NPHP4: variants seen among roughly 807,000 people sequenced by gnomAD.
NPHP4 encodes nephrocystin 4, also known as nephrocystin-4.
Under a neutral mutation model 155.8 loss-of-function variants are expected in NPHP4, and 151 were observed. The observed-to-expected ratio is 0.97, with a 90% CI of 0.85 to 1.11. The LOEUF is 1.11. Among genes scored for constraint, NPHP4 ranks in the 50% least tolerant of loss-of-function variants. The probability of loss-of-function intolerance (pLI) is 0.00; values close to 1 mark genes in which losing one functional copy is unlikely to be tolerated. For missense variants in NPHP4, 1,956 were observed against 1,925.7 expected (o/e 1.02, Z -0.29); for synonymous variants, 845 against 816.8 (o/e 1.03, Z -0.59).
chr1:5,880,002 T>TGC lies in NPHP4; in HGVS notation c.2611+110_2611+111dup, dbSNP rs1230393279. ...GGGGCACTGACAGCACCACGAATGGTGCACACACACACACATGCACACACG... is the reference window on the plus strand; with the variant it reads ...GGGGCACTGACAGCACCACGAATGGTGCGCACACACACACACATGCACACACG... On this transcript the variant is annotated intron_variant, in intron 19 of 29. Coordinates refer to ENST00000378156, the MANE Select transcript of NPHP4 (RefSeq NM_015102.5). The TGC allele has an allele frequency of 2.9e-5, 37 of 1,267,590 alleles. 1 individual carries two copies. The African/African-American group carries it at 4.2e-4, about 14-fold the overall frequency. 78.5% of individuals were successfully genotyped at this position (1,267,590 alleles called of 1,614,324 possible). A position where few individuals can be genotyped will look rare whatever the true frequency, so the allele number is the denominator to read the frequency against.
In NPHP4 at chr1:5,874,662, G is replaced by A. The variant is rs2297790; in HGVS notation, c.3045-5C>T. 384 of 1,610,732 alleles carry A rather than the reference G, an allele frequency of 2.4e-4. 2 individuals carry two copies. The East Asian group carries it at 7.2e-3, about 30-fold the overall frequency. The stretch of plus-strand genomic sequence containing the variant: ...TCCTGACTGTCCACGATGACGCTGG[G>A]GGAGGCAGTGTCCAGGCGTCAGGGC... On this transcript the variant is annotated splice_region_variant and splice_polypyrimidine_tract_variant and intron_variant, in intron 21 of 29. Transcript: ENST00000378156.
At chr1:5,931,502 G>A (rs1328220487) in intron 10 of NPHP4, among the ~76,000 whole-genome samples, 3 of 151,734 alleles carry the variant, frequency 2.0e-5, no homozygotes, top group Non-Finnish European at 4.4e-5. Flanking sequence ...CACTTTGAGA[G>A]GCACACAGAT....
chr1:5,947,950 AAG>A, intron 8 of NPHP4, 118 bp downstream of exon 8: 2 of 763,616 alleles, frequency 2.6e-6, no homozygotes, highest in Non-Finnish European at 4.4e-6. Flanking sequence ...TCCAAGAGGA[AAG>A]AAACACAAGG....
At chr1:5,968,979 A>G (rs1383079803) in intron 4 of NPHP4, 108 bp downstream of exon 4, 6 of 703,712 alleles carry the variant, frequency 8.5e-6, no homozygotes, top group African/African-American at 3.6e-5. Context: ...GTGAGCCGAC[A>G]TTACACCACT....
chr1:5,969,875 C>A (rs532729526), intron 3 of NPHP4, among the ~76,000 whole-genome samples: 2 of 152,160 alleles, frequency 1.3e-5, no homozygotes, highest in African/African-American at 4.8e-5. Context: ...TAATTATCCC[C>A]GGTTCAGAGC....
intron 9 of NPHP4, among the ~76,000 whole-genome samples, chr1:5,945,983 A>G (rs1359020236): frequency 6.6e-6 from 1 of 151,978 alleles, no homozygotes; most frequent in Admixed American, 6.6e-5. Context: ...GTTGAGAGGT[A>G]GAGAGAGAGA....
intron 1 of NPHP4, among the ~76,000 whole-genome samples, chr1:5,989,205 C>T (rs1655898437): frequency 2.0e-5 from 3 of 152,304 alleles, no homozygotes; most frequent in South Asian, 4.1e-4. Flanking sequence ...CCCAGAGCCC[C>T]AGGAGCCACC....
Position 5,990,447 on chromosome 1 carries a change from G to GA in NPHP4, c.-39+1796dup, listed in dbSNP as rs796623519. 5.7e-3 allele frequency among the ~76,000 whole-genome samples: 831 copies of GA among 145,486 alleles called. 7 individuals carry two copies. Among genetic ancestry groups the GA allele is most frequent in the African/African-American group, 0.019 (761 of 39,780 alleles). ...AAAGGGTACAGTGGGCTCTCCAGGG[G>GA]AAAAAAAAAAAGAAGAAGAAGAAAA... On this transcript the variant is annotated intron_variant, in intron 1 of 29. Transcript: ENST00000378156.
chr1:5,933,944 A>G (rs2101754132), intron 9 of NPHP4, among the ~76,000 whole-genome samples: 1 of 152,312 alleles, frequency 6.6e-6, no homozygotes, highest in South Asian at 2.1e-4. Context: ...GGCTGGCCAA[A>G]TGGAAGGAAT....
intron 6 of NPHP4, among the ~76,000 whole-genome samples, chr1:5,960,224 C>A (rs1650046089): frequency 1.3e-5 from 2 of 152,294 alleles, no homozygotes; most frequent in South Asian, 4.2e-4. Flanking sequence ...GCAGGACAGA[C>A]CCAGACTGCG....
chr1:5,930,798 G>A (rs1212952047), intron 10 of NPHP4, among the ~76,000 whole-genome samples: 1 of 152,186 alleles, frequency 6.6e-6, no homozygotes, highest in Non-Finnish European at 1.5e-5. Flanking sequence ...GGTCGATGGC[G>A]ATGTTCAGTC....
chr1:5,863,930 T>C lies in NPHP4; in HGVS notation c.4100A>G (p.Asp1367Gly), dbSNP rs1640906567. The C allele has an allele frequency of 6.2e-7, 1 of 1,613,758 alleles. No homozygotes were observed. The highest frequency in any genetic ancestry group is 1.3e-5 in the African/African-American group (1 of 74,884). The change falls in exon 29 of 30, where the codon GAC becomes GGC. Residue 1367 changes from aspartate to glycine, a missense_variant. Asp to Gly is a moderately conservative substitution (Grantham distance 94). Coordinates refer to ENST00000378156, the MANE Select transcript of NPHP4 (RefSeq NM_015102.5). ...TCTGAACCGCAGCAGCTCCGGGTGGTCGCTGTGCAGGTGGAATGTCCTCCG... is the reference window on the plus strand; with the variant it reads ...TCTGAACCGCAGCAGCTCCGGGTGGCCGCTGTGCAGGTGGAATGTCCTCCG... ...PSRRTFHLHS[D>G]HPELLRFRED...
At chr1:5,914,852 C>T (rs1645381129) in intron 11 of NPHP4, among the ~76,000 whole-genome samples, 1 of 152,090 alleles carries the variant, frequency 6.6e-6, no homozygotes, top group Admixed American at 6.5e-5. Context: ...TGAACGGGGT[C>T]GTGAATGCGG....
intron 16 of NPHP4, among the ~76,000 whole-genome samples, chr1:5,895,061 T>C (rs1644324755): frequency 6.6e-6 from 1 of 152,104 alleles, no homozygotes; most frequent in Non-Finnish European, 1.5e-5. Context: ...GAAACCATCA[T>C]TCTCAGCAAA....
Position 5,882,352 on chromosome 1 carries a change from C to CGCGCTTACCCAGCCATCTCTCAGTGGT in NPHP4, c.2486-2140_2486-2114dup, listed in dbSNP as rs1557642914. 1 of 149,798 alleles carries CGCGCTTACCCAGCCATCTCTCAGTGGT rather than the reference C, an allele frequency of 6.7e-6. No homozygotes were observed. Among genetic ancestry groups the CGCGCTTACCCAGCCATCTCTCAGTGGT allele is most frequent in the Non-Finnish European group, 1.5e-5 (1 of 67,016 alleles). 9.3% of individuals were successfully genotyped at this position (149,798 alleles called of 1,614,324 possible). On this transcript the variant is annotated intron_variant, in intron 18 of 29. Transcript: ENST00000378156. This position sits in a 1 kb window ranked among gnomAD's most constrained non-coding sequence, Gnocchi z 5.1. ...CGCTTACCCAGCCATCTCTCAGTGA[C>CGCGCTTACCCAGCCATCTCTCAGTGGT]GCGCTTACCCAGCCATCTCTCAGTG...
intron 18 of NPHP4, among the ~76,000 whole-genome samples, chr1:5,885,169 G>A (rs903145244): frequency 1.7e-4 from 16 of 93,622 alleles, no homozygotes; most frequent in East Asian, 3.6e-4. Context: ...CATCCTACTC[G>A]ACAACCAAGA....
intron 9 of NPHP4, among the ~76,000 whole-genome samples, chr1:5,938,709 C>T (rs998297417): frequency 5.9e-5 from 9 of 152,232 alleles, no homozygotes; most frequent in Non-Finnish European, 1.0e-4. Context: ...TTTAATTTTA[C>T]ATAAACGTGC....
intron 7 of NPHP4, among the ~76,000 whole-genome samples, chr1:5,949,403 A>T (rs1318743733): frequency 7.1e-6 from 1 of 140,876 alleles, no homozygotes; most frequent in East Asian, 2.0e-4. Flanking sequence ...TAGGATGAGC[A>T]CCTGAATCAT....
At chr1:5,936,953 G>A (rs1269970270) in intron 9 of NPHP4, among the ~76,000 whole-genome samples, 8 of 152,224 alleles carry the variant, frequency 5.3e-5, no homozygotes, top group Non-Finnish European at 1.2e-4. Flanking sequence ...GTAGGAGCAG[G>A]GGAGAGAGAG....
Sources: allele counts gnomAD v4.1 joint callset (sites outside exome capture counted in the v4.1 genomes callset), GRCh38; gene constraint gnomAD v4.1.1; non-coding constraint Gnocchi (gnomAD v3.1); transcripts MANE v1.5; gene names NCBI Gene and HGNC (gene_info 2026-07-23, HGNC 2026-07-21).